The following PVT1 variants were observed in gnomAD, a reference collection of about 807,000 sequenced individuals.
PVT1 encodes the protein Pvt1 oncogene.
At chr8:127,810,539 A>G (rs1814582114) in intron 2 of PVT1, among the ~76,000 whole-genome samples, 1 of 152,178 alleles carries the variant, frequency 6.6e-6, no homozygotes, top group African/African-American at 2.4e-5. Context: ...TGCCCTGTGG[A>G]GGAAAGCACT....
intron 3 of PVT1, among the ~76,000 whole-genome samples, chr8:127,942,844 G>T: frequency 6.6e-6 from 1 of 152,188 alleles, no homozygotes; most frequent in East Asian, 1.9e-4. Flanking sequence ...GTTCTGAAGT[G>T]GCTTTGGAAA....
intron 4 of PVT1, among the ~76,000 whole-genome samples, chr8:128,028,345 G>A (rs975095296): frequency 6.6e-6 from 1 of 152,236 alleles, no homozygotes; most frequent in African/African-American, 2.4e-5. Flanking sequence ...TGCGTCCAGG[G>A]CCACAGGCTG....
intron 4 of PVT1, among the ~76,000 whole-genome samples, chr8:127,993,293 G>A (rs1487115717): frequency 2.0e-5 from 3 of 152,204 alleles, no homozygotes; most frequent in African/African-American, 4.8e-5. Flanking sequence ...AGCTTCCTCC[G>A]TGATGTCTGC....
At chr8:127,846,208 G>A (rs1815032043) in intron 2 of PVT1, among the ~76,000 whole-genome samples, 1 of 152,136 alleles carries the variant, frequency 6.6e-6, no homozygotes, top group East Asian at 1.9e-4. Flanking sequence ...AATGTCAGTA[G>A]AATGGAAAGA....
intron 3 of PVT1, among the ~76,000 whole-genome samples, chr8:127,945,182 T>C (rs1021313675): frequency 6.6e-6 from 1 of 152,008 alleles, no homozygotes; most frequent in African/African-American, 2.4e-5. Context: ...GCTTGATGCA[T>C]TTTTTTTCTT....
intron 2 of PVT1, among the ~76,000 whole-genome samples, chr8:127,804,719 CTTT>C (rs1421093941): frequency 7.1e-6 from 1 of 140,714 alleles, no homozygotes; most frequent in South Asian, 2.3e-4. Context: ...CTTTCTTTTT[CTTT>C]TTTTTTTTGT....
chr8:127,798,201 G>A (rs1170010772), intron 2 of PVT1, among the ~76,000 whole-genome samples: 2 of 151,960 alleles, frequency 1.3e-5, no homozygotes, highest in African/African-American at 4.8e-5. Context: ...CTACTTGGGA[G>A]TCTGAGGCAG....
chr8:127,899,029 G>A (rs750042891), intron 3 of PVT1, among the ~76,000 whole-genome samples: 1 of 152,204 alleles, frequency 6.6e-6, no homozygotes, highest in African/African-American at 2.4e-5. Flanking sequence ...TGGGTTCAGT[G>A]GGAGATGATG....
chr8:128,041,227 ATGTG>A (rs553257501), intron 4 of PVT1, among the ~76,000 whole-genome samples: 2 of 67,272 alleles, frequency 3.0e-5, no homozygotes, highest in Non-Finnish European at 6.9e-5. Flanking sequence ...GTGTGTGTGC[ATGTG>A]TGTGTGTTGT....
intron 5 of PVT1, among the ~76,000 whole-genome samples, chr8:128,089,505 A>G (rs998589177): frequency 1.3e-5 from 2 of 152,124 alleles, no homozygotes; most frequent in African/African-American, 4.8e-5. Flanking sequence ...TCCCAATACC[A>G]TTACCCTGGA....
chr8:128,073,586 A>G (rs917571416), intron 5 of PVT1, among the ~76,000 whole-genome samples: 4 of 152,154 alleles, frequency 2.6e-5, no homozygotes, highest in Non-Finnish European at 4.4e-5. Context: ...TGGTCCATGC[A>G]TCAACCCACT....
In PVT1 at chr8:128,055,843, A is replaced by G. The variant is rs1813756291; in HGVS notation, n.913-14317A>G. On this transcript the variant is annotated intron_variant and non_coding_transcript_variant, in intron 4 of 10. Coordinates refer to ENST00000651587, the Ensembl canonical transcript of PVT1. ...GGGTAGCTGAATCCCAAGTGGATAG[A>G]TGTGAAAGTTTCCTAGGACAGAATC... Among the ~76,000 whole-genome samples the G allele has an allele frequency of 4.6e-5, 7 of 152,292 alleles. No individual in the cohort carries two copies. The South Asian group carries it at 1.4e-3, about 32-fold the overall frequency.
chr8:128,018,417 A>T (rs1817397929), intron 4 of PVT1, among the ~76,000 whole-genome samples: 1 of 152,168 alleles, frequency 6.6e-6, no homozygotes, highest in South Asian at 2.1e-4. Flanking sequence ...AGCCCCCTTC[A>T]TTGCTGCATG....
chr8:128,018,556 G>A (rs758706592), intron 4 of PVT1, among the ~76,000 whole-genome samples: 27 of 152,198 alleles, frequency 1.8e-4, no homozygotes, highest in Non-Finnish European at 3.2e-4. Flanking sequence ...GATAGGTACC[G>A]AAACGTTCCA....
chr8:127,947,580 A>G (rs771199818), intron 3 of PVT1: 1 of 392,704 alleles, frequency 2.5e-6, no homozygotes, highest in South Asian at 1.9e-5. Flanking sequence ...ATCACTGCTT[A>G]GCTTAGATTT....
intron 4 of PVT1, among the ~76,000 whole-genome samples, chr8:128,063,078 G>A (rs575093549): frequency 1.3e-5 from 2 of 152,140 alleles, no homozygotes; most frequent in Non-Finnish European, 2.9e-5. Flanking sequence ...ACAGTACTTG[G>A]CCTTTTGAAT....
chr8:128,071,200 A>G (rs1813983470), intron 5 of PVT1, among the ~76,000 whole-genome samples: 1 of 152,168 alleles, frequency 6.6e-6, no homozygotes, highest in Non-Finnish European at 1.5e-5. Context: ...GACAGAAATC[A>G]ATAGAAAGAT....
At chr8:127,827,289 C>A (rs1280133165) in intron 2 of PVT1, among the ~76,000 whole-genome samples, 1 of 152,146 alleles carries the variant, frequency 6.6e-6, no homozygotes, top group Non-Finnish European at 1.5e-5. Context: ...AGCCACCACA[C>A]CCGACCTAGC....
intron 2 of PVT1, among the ~76,000 whole-genome samples, chr8:127,862,700 A>G (rs1815241350): frequency 6.6e-6 from 1 of 152,228 alleles, no homozygotes; most frequent in Non-Finnish European, 1.5e-5. Flanking sequence ...GGGTTGAGCC[A>G]TAGCCTGCAG....
Sources: allele counts gnomAD v4.1 joint callset (sites outside exome capture counted in the v4.1 genomes callset), GRCh38; gene constraint gnomAD v4.1.1; transcripts MANE v1.5; gene names NCBI Gene and HGNC (gene_info 2026-07-23, HGNC 2026-07-21).